The following COL19A1 variants were observed in gnomAD, a reference collection of about 807,000 sequenced individuals.
The protein encoded by COL19A1 is collagen type XIX alpha 1 chain.
A neutral mutation model predicts 190.2 loss-of-function variants in COL19A1; 159 were observed. The observed-to-expected ratio is 0.84, with a 90% CI of 0.73 to 0.95. The LOEUF is 0.95. Among genes scored for constraint, COL19A1 ranks in the 40% least tolerant of loss-of-function variants. COL19A1 has a pLI of 0.00. For synonymous variants in COL19A1, 509 were observed against 458.9 expected (o/e 1.11, Z -1.39); for missense variants, 1,418 against 1,431.9 (o/e 0.99, Z 0.16).
Position 69,921,708 on chromosome 6 carries a change from GTATGTAGATTCGTA to G in COL19A1, c.267-6197_267-6184del, listed in dbSNP as rs1771962310. On this transcript the variant is annotated intron_variant, in intron 4 of 50. Transcript: ENST00000620364. ...TTCGTATGTAGATTCGTATATATTC[GTATGTAGATTCGTA>G]TATATTCGTATGTAGATTCGTATAT... Among the ~76,000 whole-genome samples the G allele has an allele frequency of 9.3e-5, 13 of 140,426 alleles. No individual in the cohort carries two copies. In the South Asian group the frequency reaches 2.5e-3, roughly 27 times the overall value. The allele number at this position is 140,426 out of a possible 152,430, so 92.1% of individuals were successfully genotyped here.
rs115616217 is a variant in COL19A1 at position 69,889,223 on chromosome 6, C to T, written c.91+9565C>T. Among the ~76,000 whole-genome samples the T allele has an allele frequency of 1.4e-3, 207 of 152,234 alleles. 1 individual carries two copies. Among genetic ancestry groups the T allele is most frequent in the Middle Eastern group, 6.8e-3 (2 of 294 alleles). ...TGTTGGAGAAGACTGCTAAATAGAA[C>T]TTGTATCAGACTAGACAGATTTTAA... On this transcript the variant is annotated intron_variant, in intron 2 of 50. Coordinates refer to ENST00000620364, the MANE Select transcript of COL19A1 (RefSeq NM_001858.6).
At chr6:69,991,130 T>C (rs1776597328) in intron 11 of COL19A1, among the ~76,000 whole-genome samples, 1 of 152,088 alleles carries the variant, frequency 6.6e-6, no homozygotes, top group South Asian at 2.1e-4. Flanking sequence ...CACTAATAAG[T>C]GAGAATGTGC....
chr6:70,168,757 A>G, intron 40 of COL19A1, 76 bp downstream of exon 40: 1 of 1,512,514 alleles, frequency 6.6e-7, no homozygotes, highest in Non-Finnish European at 9.1e-7. Flanking sequence ...CATCGGGCAA[A>G]ATGGCCTGCC....
intron 11 of COL19A1, among the ~76,000 whole-genome samples, chr6:69,991,686 C>A (rs1776633459): frequency 6.6e-6 from 1 of 151,988 alleles, no homozygotes; most frequent in Non-Finnish European, 1.5e-5. Context: ...TGTATGTATT[C>A]TTTTAAGAAG....
At chr6:70,126,744 G>A (rs1034967313) in intron 17 of COL19A1, among the ~76,000 whole-genome samples, 5 of 152,176 alleles carry the variant, frequency 3.3e-5, no homozygotes, top group Admixed American at 1.3e-4. Context: ...AGTTCTGGGG[G>A]CCAGAAGTCA....
chr6:69,907,001 T>C (rs754231082), intron 4 of COL19A1, among the ~76,000 whole-genome samples: 6 of 152,136 alleles, frequency 3.9e-5, no homozygotes. Flanking sequence ...TCATATGTGT[T>C]GTAACATGAT....
At chr6:70,068,577 A>C in intron 15 of COL19A1, 101 bp downstream of exon 15, 1 of 667,434 alleles carries the variant, frequency 1.5e-6, no homozygotes, top group Non-Finnish European at 2.6e-6. Context: ...GCAGATGGGC[A>C]TATGGAGAGT....
chr6:70,054,647 G>A (rs182648981), intron 14 of COL19A1, among the ~76,000 whole-genome samples: 1 of 152,170 alleles, frequency 6.6e-6, no homozygotes, highest in East Asian at 1.9e-4. Context: ...TTCATTTACA[G>A]GATTAAAGAA....
Position 69,879,621 on chromosome 6 carries a change from T to G in COL19A1, c.54T>G (p.Leu18=). The change falls in exon 2 of 51, where the codon CTT becomes CTG. Residue 18 remains leucine, a synonymous_variant. Transcript: ENST00000620364. ...KLWLWMSIFL[L]PASTSVTVRD... is the part of the protein sequence containing the mutation. ...GGCTTTGGATGTCAATATTTCTGCT[T>G]CCTGCTTCCACTTCCGTGACCGTTA... is the stretch of plus-strand genomic sequence containing the variant. 6.2e-7 allele frequency: 1 copy of G among 1,614,174 alleles called. No homozygotes were observed.
chr6:69,951,571 C>G (rs1285894684), intron 9 of COL19A1, among the ~76,000 whole-genome samples: 1 of 151,776 alleles, frequency 6.6e-6, no homozygotes, highest in Non-Finnish European at 1.5e-5. Context: ...CTTATGTAAC[C>G]TTGACCTCTT....
At chr6:69,982,294 T>G (rs547323836) in intron 11 of COL19A1, among the ~76,000 whole-genome samples, 1 of 136,036 alleles carries the variant, frequency 7.4e-6, no homozygotes, top group Non-Finnish European at 1.6e-5. Context: ...CAGGCTGGAG[T>G]GCAGTGGCAC....
intron 27 of COL19A1, among the ~76,000 whole-genome samples, chr6:70,147,093 T>G (rs138415265): frequency 6.6e-6 from 1 of 152,188 alleles, no homozygotes; most frequent in African/African-American, 2.4e-5. Flanking sequence ...TTACAGATGC[T>G]GGTCACACAT....
At chr6:70,083,096 A>G (rs1274730098) in intron 15 of COL19A1, among the ~76,000 whole-genome samples, 2 of 152,206 alleles carry the variant, frequency 1.3e-5, no homozygotes, top group African/African-American at 4.8e-5. Context: ...AGAAATGTCA[A>G]TTCAACTTGA....
chr6:70,061,219 A>G (rs1188881124), intron 14 of COL19A1, among the ~76,000 whole-genome samples: 1 of 152,160 alleles, frequency 6.6e-6, no homozygotes, highest in African/African-American at 2.4e-5. Context: ...TTTACTAATG[A>G]TAATATTAAA....
At chr6:70,075,390 C>T (rs976683889) in intron 15 of COL19A1, among the ~76,000 whole-genome samples, 1 of 152,118 alleles carries the variant, frequency 6.6e-6, no homozygotes, top group Admixed American at 6.5e-5. Context: ...AAAATTGGAT[C>T]AAATATAGTT....
chr6:70,156,321 T>C lies in COL19A1; in HGVS notation c.2190T>C (p.Asp730=), dbSNP rs764700039. 11 of 1,613,184 alleles carry C rather than the reference T, an allele frequency of 6.8e-6. No homozygotes were observed. The highest frequency in any genetic ancestry group is 9.3e-6 in the Non-Finnish European group (11 of 1,179,576). Residue 730 remains aspartate, a synonymous_variant, in exon 33 of 51, where the codon GAT becomes GAC. Coordinates refer to ENST00000620364, the MANE Select transcript of COL19A1 (RefSeq NM_001858.6). ...GKYDSMARKG[D]IGPRGPPGIP... is the part of the protein sequence containing the mutation. The stretch of plus-strand genomic sequence containing the variant: ...GTTCTTCCTCTGTCTTCTAGGGTGA[T>C]ATAGGGCCACGGGGTCCTCCAGGAA...
At chr6:69,887,470 T>C (rs1003619738) in intron 2 of COL19A1, among the ~76,000 whole-genome samples, 3 of 152,214 alleles carry the variant, frequency 2.0e-5, no homozygotes, top group Non-Finnish European at 4.4e-5. Flanking sequence ...TGAATTTCTA[T>C]GGATATATTT....
At chr6:70,032,130 T>A (rs1411952182) in intron 12 of COL19A1, among the ~76,000 whole-genome samples, 1 of 152,114 alleles carries the variant, frequency 6.6e-6, no homozygotes, top group Non-Finnish European at 1.5e-5. Flanking sequence ...GGTAGGGTGA[T>A]TCTTACCAAA....
At chr6:69,879,865 T>C in intron 2 of COL19A1, 1 of 551,010 alleles carries the variant, frequency 1.8e-6, no homozygotes, top group South Asian at 2.8e-5. Flanking sequence ...GCATAGTATA[T>C]TAGTCTATGT....
Sources: allele counts gnomAD v4.1 joint callset (sites outside exome capture counted in the v4.1 genomes callset), GRCh38; gene constraint gnomAD v4.1.1; transcripts MANE v1.5; gene names NCBI Gene and HGNC (gene_info 2026-07-23, HGNC 2026-07-21).